Variants in DNAH12 observed in about 807,000 individuals in gnomAD.
The protein encoded by DNAH12 is axonemal beta dynein heavy chain 12.
DNAH12 carries 285 observed loss-of-function variants against 371.5 expected under a neutral mutation model. The observed-to-expected ratio is 0.77, with a 90% confidence interval of 0.70 to 0.85. The LOEUF is 0.85. DNAH12 is among the 40% of genes least tolerant of loss of function. The probability of loss-of-function intolerance (pLI) is 0.00; values close to 1 mark genes in which losing one functional copy is unlikely to be tolerated. For missense variants in DNAH12, 3,611 were observed against 3,689.4 expected (o/e 0.98, Z 0.55); for synonymous variants, 1,200 against 1,213.0 (o/e 0.99, Z 0.22).
intron 19 of DNAH12, 50 bp downstream of exon 19, chr3:57,461,439 G>T: frequency 1.3e-6 from 2 of 1,522,118 alleles, no homozygotes; most frequent in South Asian, 1.2e-5. Flanking sequence ...TATGTAATAG[G>T]ATTGCAATCC....
chr3:57,365,862 C>CACAT (rs1444419083), intron 57 of DNAH12, among the ~76,000 whole-genome samples: 11 of 148,022 alleles, frequency 7.4e-5, no homozygotes, highest in African/African-American at 1.5e-4. Flanking sequence ...TGTGTGTACA[C>CACAT]ATATATATAT....
At chr3:57,453,141 TTG>T in intron 24 of DNAH12, 104 bp downstream of exon 24, 4 of 1,461,258 alleles carry the variant, frequency 2.7e-6, no homozygotes, top group Non-Finnish European at 1.8e-6. Flanking sequence ...ATAAAAAAGA[TTG>T]TGTTAAAAAA....
intron 2 of DNAH12, among the ~76,000 whole-genome samples, chr3:57,536,798 C>G (rs2069063845): frequency 6.6e-6 from 1 of 152,174 alleles, no homozygotes; most frequent in African/African-American, 2.4e-5. Context: ...TGAATGCCAC[C>G]CTTTAACATA....
chr3:57,368,675 A>G (rs954473801), intron 55 of DNAH12, among the ~76,000 whole-genome samples: 1 of 152,236 alleles, frequency 6.6e-6, no homozygotes, highest in Non-Finnish European at 1.5e-5. Context: ...ATCCACTAGC[A>G]TAAAAGGGAT....
chr3:57,533,544 A>G (rs2068922308), intron 2 of DNAH12, among the ~76,000 whole-genome samples: 1 of 152,172 alleles, frequency 6.6e-6, no homozygotes, highest in Non-Finnish European at 1.5e-5. Flanking sequence ...TCAAGGCCCA[A>G]GGGCTCTTTA....
At chr3:57,470,381 T>C (rs2066332045) in intron 16 of DNAH12, 62 bp downstream of exon 16, 2 of 1,422,790 alleles carry the variant, frequency 1.4e-6, no homozygotes, top group African/African-American at 1.5e-5. Context: ...AAAAAATCAA[T>C]TTATATTTTA....
At chr3:57,358,852 T>G (rs1272881395) in intron 58 of DNAH12, among the ~76,000 whole-genome samples, 10 of 152,160 alleles carry the variant, frequency 6.6e-5, no homozygotes, top group Admixed American at 6.5e-4. Context: ...CGGCATGATC[T>G]CAGCTTACTA....
rs1282110292 is a variant in DNAH12, at chr3:57,455,270, A to G, written c.3337-376T>C. On this transcript the variant is annotated intron_variant, in intron 22 of 73. Coordinates refer to ENST00000495027, the MANE Select transcript of DNAH12 (RefSeq NM_001366028.2). ...AATATAAAAATTTTAGTAAACTTAGAAAAAACTAGTCAAGGCCAGGGTGGT... is the reference window on the plus strand; with the variant it reads ...AATATAAAAATTTTAGTAAACTTAGGAAAAACTAGTCAAGGCCAGGGTGGT... Among the ~76,000 whole-genome samples, 3 of 98,120 alleles carry G rather than the reference A, an allele frequency of 3.1e-5. No homozygotes were observed. The East Asian group carries it at 7.2e-4, about 23-fold the overall frequency. 64.4% of individuals were successfully genotyped at this position (98,120 alleles called of 152,430 possible).
chr3:57,295,724 GA>G, intron 72 of DNAH12, 132 bp from the exon 73 acceptor site: 1 of 697,536 alleles, frequency 1.4e-6, no homozygotes, highest in Non-Finnish European at 2.2e-6. Context: ...TGTAAAAAAA[GA>G]AAATGAGAAA....
In DNAH12 at chr3:57,542,888, T is replaced by C; in HGVS notation, c.-18A>G. 1.3e-6 allele frequency: 2 copies of C among 1,566,008 alleles called. No individual in the cohort carries two copies. The highest frequency in any genetic ancestry group is 1.7e-6 in the Non-Finnish European group (2 of 1,162,604). On this transcript the variant is annotated 5_prime_UTR_variant, in exon 2 of 74. Transcript: ENST00000495027. Reference sequence around the variant, plus strand: ...TCTGACATCTTGATCCCCTAAAGATTAAAATACTCTGTACTCTGAGGAGAA... The same window carrying C: ...TCTGACATCTTGATCCCCTAAAGATCAAAATACTCTGTACTCTGAGGAGAA...
intron 29 of DNAH12, among the ~76,000 whole-genome samples, chr3:57,443,776 T>C (rs947720315): frequency 2.0e-5 from 3 of 152,292 alleles, no homozygotes; most frequent in Admixed American, 1.3e-4. Flanking sequence ...ACCTATAGGA[T>C]GTTTTACTAC....
intron 55 of DNAH12, among the ~76,000 whole-genome samples, chr3:57,372,384 C>A (rs2063193542): frequency 1.3e-5 from 2 of 151,390 alleles, no homozygotes; most frequent in African/African-American, 4.9e-5. Context: ...AAATGTGAAA[C>A]CAAACAGAAA....
At chr3:57,465,886 G>A (rs2066185381) in intron 17 of DNAH12, among the ~76,000 whole-genome samples, 1 of 152,058 alleles carries the variant, frequency 6.6e-6, no homozygotes, top group Admixed American at 6.6e-5. Context: ...CTTGCAGTAA[G>A]AGAAATGAAA....
intron 58 of DNAH12, among the ~76,000 whole-genome samples, chr3:57,362,183 G>T (rs996159084): frequency 2.6e-5 from 4 of 152,084 alleles, no homozygotes; most frequent in African/African-American, 9.7e-5. Flanking sequence ...ATGTCCCTGC[G>T]AAGAACACGA....
intron 60 of DNAH12, among the ~76,000 whole-genome samples, chr3:57,341,795 G>T (rs58418917): frequency 6.6e-6 from 1 of 151,372 alleles, no homozygotes; most frequent in Non-Finnish European, 1.5e-5. Flanking sequence ...ACGAAAGACC[G>T]CAAATAGCCA....
chr3:57,352,230 AG>A lies in DNAH12; in HGVS notation c.9534-6del. On this transcript the variant is annotated splice_polypyrimidine_tract_variant and splice_region_variant and intron_variant, in intron 59 of 73. Coordinates refer to ENST00000495027, the MANE Select transcript of DNAH12 (RefSeq NM_001366028.2). ...TCCAAAATCTTGGATTTGTTACTAA[AG>A]TTAAAAAGAAGGAAAACGTATTGTC... 1 of 1,530,206 alleles carries A rather than the reference AG, an allele frequency of 6.5e-7. No homozygotes were observed. Among genetic ancestry groups the A allele is most frequent in the South Asian group, 1.3e-5 (1 of 78,112 alleles). 94.8% of individuals were successfully genotyped at this position (1,530,206 alleles called of 1,614,324 possible).
chr3:57,500,045 CT>C (rs34159826), intron 11 of DNAH12, among the ~76,000 whole-genome samples: 97,455 of 147,064 alleles, frequency 0.66, 32,157 homozygotes, highest in South Asian at 0.75. Flanking sequence ...TCAGAATTAC[CT>C]TTTTTTTTTT....
At chr3:57,550,680 AT>A in the DNAH12 span, among the ~76,000 whole-genome samples, 384 of 145,242 alleles carry the variant, frequency 2.6e-3, 2 homozygotes, top group African/African-American at 7.0e-3. Context: ...GCCCAGCTAA[AT>A]TTTTTTTTTT....
At chr3:57,420,377 T>C (rs1244526170) in intron 36 of DNAH12, among the ~76,000 whole-genome samples, 1 of 152,232 alleles carries the variant, frequency 6.6e-6, no homozygotes, top group Non-Finnish European at 1.5e-5. Context: ...ACGTATATGT[T>C]ACATGTTTGA....
Sources: gnomAD v4.1 joint callset for allele counts (sites outside exome capture counted in the v4.1 genomes callset) on GRCh38, gnomAD v4.1.1 for gene constraint, MANE v1.5 for transcripts, NCBI Gene and HGNC (gene_info 2026-07-23, HGNC 2026-07-21) for gene names.